LRIF1: variants seen among roughly 807,000 people sequenced by gnomAD.
LRIF1 encodes ligand dependent nuclear receptor interacting factor 1, also known as ligand-dependent nuclear receptor-interacting factor 1.
LRIF1 carries 32 observed loss-of-function variants against 52.7 expected under a neutral mutation model. That is an observed-to-expected ratio of 0.61 (90% CI 0.46 to 0.82). The LOEUF (loss-of-function observed/expected upper bound fraction) is 0.82, where lower values mean the gene tolerates loss of function less well. LRIF1 is among the 40% of genes least tolerant of loss of function. The pLI is 0.00. For missense variants in LRIF1, 887 were observed against 892.0 expected (o/e 0.99, Z 0.07); for synonymous variants, 323 against 317.4 (o/e 1.02, Z -0.19).
the LRIF1 span, among the ~76,000 whole-genome samples, chr1:110,928,344 A>G: frequency 6.6e-6 from 1 of 152,172 alleles, no homozygotes; most frequent in African/African-American, 2.4e-5. Flanking sequence ...ACGCATGAAA[A>G]GAGGTTTTGC....
chr1:110,907,468 A>C, the LRIF1 span, among the ~76,000 whole-genome samples: 1 of 152,066 alleles, frequency 6.6e-6, no homozygotes, highest in Non-Finnish European at 1.5e-5. Flanking sequence ...TTAAGATTTG[A>C]GCCAGGCGCG....
At chr1:110,898,811 G>A in the LRIF1 span, among the ~76,000 whole-genome samples, 1 of 152,150 alleles carries the variant, frequency 6.6e-6, no homozygotes, top group Non-Finnish European at 1.5e-5. Context: ...CATGGATAGA[G>A]ATAACTCATT....
At chr1:110,914,117 A>T in the LRIF1 span, among the ~76,000 whole-genome samples, 1 of 152,166 alleles carries the variant, frequency 6.6e-6, no homozygotes, top group African/African-American at 2.4e-5. Context: ...ACACATGGAC[A>T]CAGAGAGGAA....
chr1:110,932,785 T>C, the LRIF1 span, among the ~76,000 whole-genome samples: 11 of 152,200 alleles, frequency 7.2e-5, no homozygotes, highest in African/African-American at 2.4e-4. Context: ...TTAGCATCCA[T>C]TGGTGAATCT....
the LRIF1 span, among the ~76,000 whole-genome samples, chr1:110,929,049 T>G: frequency 2.0e-5 from 3 of 152,200 alleles, no homozygotes; most frequent in Non-Finnish European, 4.4e-5. Flanking sequence ...AGCTTCCTTA[T>G]ATCCCTCACT....
the LRIF1 span, among the ~76,000 whole-genome samples, chr1:110,935,592 T>C: frequency 6.6e-6 from 1 of 152,202 alleles, no homozygotes; most frequent in Non-Finnish European, 1.5e-5. Flanking sequence ...AATAGCAGAA[T>C]TGATCAGGCG....
the LRIF1 span, among the ~76,000 whole-genome samples, chr1:110,887,967 G>A: frequency 6.6e-6 from 1 of 152,184 alleles, no homozygotes; most frequent in Non-Finnish European, 1.5e-5. Flanking sequence ...TTAGCCAGGT[G>A]GTTCTTATCT....
the LRIF1 span, among the ~76,000 whole-genome samples, chr1:110,917,225 C>T: frequency 0.54 from 81,770 of 151,964 alleles, 22,676 homozygotes; most frequent in East Asian, 0.7. Flanking sequence ...GACAGGGGCT[C>T]GTGTGTCCTC....
At position 110,952,464 on chromosome 1, in the gene LRIF1, C is replaced by G. The variant is rs1201220133; in HGVS notation, c.420G>C (p.Val140=). The G allele has an allele frequency of 1.2e-6, 2 of 1,612,030 alleles. No individual in the cohort carries two copies. The highest frequency in any genetic ancestry group is 1.1e-5 in the South Asian group (1 of 90,978). The change falls in exon 2 of 4, where the codon GTG becomes GTC. Residue 140 remains valine (V), a synonymous_variant. Transcript: ENST00000369763. ...SSVSKVQSHG[V]KIDGLTMQTF... is the part of the protein sequence containing the mutation. ...TTTGCATGGTGAGTCCATCAATTTT[C>G]ACACCATGACTCTGAACTTTAGAAA...
the LRIF1 span, among the ~76,000 whole-genome samples, chr1:110,911,604 CA>C: frequency 6.6e-6 from 1 of 152,186 alleles, no homozygotes; most frequent in South Asian, 2.1e-4. Flanking sequence ...AAATCCTCAA[CA>C]AAATACGAGC....
the LRIF1 span, among the ~76,000 whole-genome samples, chr1:110,918,102 G>A: frequency 1.3e-5 from 2 of 151,854 alleles, no homozygotes; most frequent in African/African-American, 2.4e-5. Context: ...TTTATAAAAG[G>A]TATCTAAAAA....
At position 110,947,745 on chromosome 1, in the gene LRIF1, G is replaced by T; in HGVS notation, c.*214C>A. ...TATAAAATTTATCCTTCCAAAAAAA[G>T]GTATCTAAGACAAAGGTATAGATAC... On this transcript the variant is annotated 3_prime_UTR_variant, in exon 4 of 4. Coordinates refer to ENST00000369763, the MANE Select transcript of LRIF1 (RefSeq NM_018372.4). 1 of 423,254 alleles carries T rather than the reference G, an allele frequency of 2.4e-6. No individual in the cohort carries two copies. Among genetic ancestry groups the T allele is most frequent in the South Asian group, 9.6e-5 (1 of 10,466 alleles). 26.2% of individuals were successfully genotyped at this position (423,254 alleles called of 1,614,324 possible). A position where few individuals can be genotyped will look rare whatever the true frequency, so the allele number is the denominator to read the frequency against.
the LRIF1 span, chr1:110,939,491 A>C: frequency 6.6e-6 from 1 of 151,980 alleles, no homozygotes; most frequent in African/African-American, 2.4e-5. Flanking sequence ...AAAACTATCC[A>C]AAAACTTATA....
At chr1:110,937,439 T>C in the LRIF1 span, 3 of 152,064 alleles carry the variant, frequency 2.0e-5, no homozygotes, top group Admixed American at 6.5e-5. Context: ...TTGAAAACTA[T>C]ACAAATACAT....
the LRIF1 span, among the ~76,000 whole-genome samples, chr1:110,914,692 G>T: frequency 1.3e-5 from 2 of 152,132 alleles, no homozygotes; most frequent in East Asian, 3.9e-4. Context: ...GGCAGAGGTT[G>T]CAGTGAGTCG....
chr1:110,963,525 C>G (rs111955172), intron 1 of LRIF1, 96 bp downstream of exon 1: 14 of 1,049,974 alleles, frequency 1.3e-5, no homozygotes, highest in African/African-American at 1.3e-4. Flanking sequence ...GCTCCAACTC[C>G]TCTCAACTAC....
the LRIF1 span, among the ~76,000 whole-genome samples, chr1:110,889,004 A>G: frequency 6.6e-6 from 1 of 152,192 alleles, no homozygotes; most frequent in African/African-American, 2.4e-5. Context: ...GGGACTTGAC[A>G]TATTTTATCT....
At chr1:110,891,415 A>C in the LRIF1 span, 12 of 1,613,150 alleles carry the variant, frequency 7.4e-6, no homozygotes, top group East Asian at 8.9e-5. Context: ...CGGCATGGGC[A>C]TGAGTAGCTT....
chr1:110,896,661 T>C, the LRIF1 span: 815 of 1,613,138 alleles, frequency 5.1e-4, 7 homozygotes, highest in African/African-American at 9.9e-3. Flanking sequence ...AGCTGCAGTG[T>C]TGTGGTATAA....
Sources: allele counts gnomAD v4.1 joint callset (sites outside exome capture counted in the v4.1 genomes callset), GRCh38; gene constraint gnomAD v4.1.1; transcripts MANE v1.5; gene names NCBI Gene and HGNC (gene_info 2026-07-23, HGNC 2026-07-21).